The following NDUFA5 variants were observed in gnomAD, a reference collection of about 807,000 sequenced individuals.
The protein encoded by NDUFA5 is NADH:ubiquinone oxidoreductase subunit A5.
Under a neutral mutation model 19.8 loss-of-function variants are expected in NDUFA5, and 11 were observed. That is an observed-to-expected ratio of 0.56 (90% CI 0.35 to 0.92). The LOEUF (loss-of-function observed/expected upper bound fraction) is 0.92, where lower values mean the gene tolerates loss of function less well. Ranked by LOEUF, NDUFA5 falls within the 40% of genes least tolerant of loss-of-function variation. The probability of loss-of-function intolerance (pLI) is 0.01; values close to 1 mark genes in which losing one functional copy is unlikely to be tolerated. For missense variants in NDUFA5, 109 were observed against 134.2 expected, an observed-to-expected ratio of 0.81 and a Z score of 0.93; for synonymous variants, 47 against 46.8, an observed-to-expected ratio of 1.00 and a Z score of -0.01.
intron 3 of NDUFA5, 193 bp from the exon 4 acceptor site, chr7:123,545,869 A>C: frequency 2.0e-6 from 1 of 496,722 alleles, no homozygotes; most frequent in South Asian, 2.6e-5. Flanking sequence ...TAATATTGAA[A>C]AGTGCTAAAT....
chr7:123,548,437 C>T (rs1308890576), intron 3 of NDUFA5, among the ~76,000 whole-genome samples: 1 of 152,092 alleles, frequency 6.6e-6, no homozygotes, highest in Non-Finnish European at 1.5e-5. Context: ...ACAAAGTTGT[C>T]AAACTCTACT....
intron 2 of NDUFA5, among the ~76,000 whole-genome samples, chr7:123,553,985 A>G: frequency 6.6e-6 from 1 of 152,254 alleles, no homozygotes; most frequent in East Asian, 1.9e-4. Context: ...GCAATTACAT[A>G]CAGAATACAT....
At chr7:123,556,619 A>C (rs2116202230) in intron 2 of NDUFA5, 1 of 255,254 alleles carries the variant, frequency 3.9e-6, no homozygotes, top group South Asian at 4.8e-5. Context: ...AAAAAAAAAA[A>C]ACGCTGCTAT....
chr7:123,578,078 T>C, the NDUFA5 span, among the ~76,000 whole-genome samples: 4 of 150,082 alleles, frequency 2.7e-5, no homozygotes, highest in African/African-American at 9.8e-5. Flanking sequence ...GTGTGTGAAG[T>C]TCCCCTCCCT....
At chr7:123,563,289 G>T in the NDUFA5 span, among the ~76,000 whole-genome samples, 3 of 152,128 alleles carry the variant, frequency 2.0e-5, no homozygotes, top group Non-Finnish European at 2.9e-5. Flanking sequence ...TGAGAGATTT[G>T]TGACTCTTCC....
the NDUFA5 span, among the ~76,000 whole-genome samples, chr7:123,582,014 A>G: frequency 6.6e-6 from 1 of 152,020 alleles, no homozygotes; most frequent in Non-Finnish European, 1.5e-5. Flanking sequence ...CTCCATTTCC[A>G]TTTGTGAATA....
At chr7:123,601,278 T>G in the NDUFA5 span, among the ~76,000 whole-genome samples, 1 of 152,352 alleles carries the variant, frequency 6.6e-6, no homozygotes, top group East Asian at 1.9e-4. Flanking sequence ...CTACTCATTT[T>G]TTTAGACTAT....
the NDUFA5 span, among the ~76,000 whole-genome samples, chr7:123,600,321 T>C: frequency 1.4e-3 from 207 of 152,340 alleles, 3 homozygotes; most frequent in Admixed American, 0.013. Flanking sequence ...TTAAATGTTG[T>C]ATGGTATAGG....
the NDUFA5 span, among the ~76,000 whole-genome samples, chr7:123,589,225 G>A: frequency 6.6e-6 from 1 of 151,462 alleles, no homozygotes; most frequent in South Asian, 2.1e-4. Flanking sequence ...CTGATGTTGG[G>A]TGCACATATA....
chr7:123,562,429 G>A (rs894176230), upstream of NDUFA5, among the ~76,000 whole-genome samples: 1 of 152,160 alleles, frequency 6.6e-6, no homozygotes, highest in Non-Finnish European at 1.5e-5. Context: ...CCCATAGAAG[G>A]CTGTTTCATC....
chr7:123,565,341 C>T, the NDUFA5 span, among the ~76,000 whole-genome samples: 7 of 151,584 alleles, frequency 4.6e-5, no homozygotes, highest in South Asian at 1.0e-3. Context: ...CATCCTCAGA[C>T]GTAACAGACG....
the NDUFA5 span, among the ~76,000 whole-genome samples, chr7:123,596,751 TATTA>T: frequency 1.3e-5 from 2 of 152,212 alleles, no homozygotes; most frequent in African/African-American, 4.8e-5. Context: ...TACAATCAAA[TATTA>T]ATTAAATGTC....
At chr7:123,548,261 T>TG (rs1798206459) in intron 3 of NDUFA5, among the ~76,000 whole-genome samples, 1 of 152,186 alleles carries the variant, frequency 6.6e-6, no homozygotes, top group Non-Finnish European at 1.5e-5. Flanking sequence ...GTTAAGTGTT[T>TG]GGGGTTATAT....
the NDUFA5 span, among the ~76,000 whole-genome samples, chr7:123,576,704 A>G: frequency 2.6e-5 from 4 of 152,118 alleles, no homozygotes; most frequent in Non-Finnish European, 4.4e-5. Context: ...TGCTGCAGTA[A>G]AAGAAAACAG....
chr7:123,597,796 A>C, the NDUFA5 span, among the ~76,000 whole-genome samples: 75 of 152,208 alleles, frequency 4.9e-4, no homozygotes, highest in African/African-American at 1.6e-3. Flanking sequence ...GCACCACTGC[A>C]CTCCAGCCTG....
intron 3 of NDUFA5, chr7:123,550,234 A>G: frequency 2.5e-6 from 1 of 399,790 alleles, no homozygotes. Context: ...GAACAGCTAC[A>G]ATGTTACTTC....
chr7:123,584,160 C>A, the NDUFA5 span, among the ~76,000 whole-genome samples: 1 of 151,772 alleles, frequency 6.6e-6, no homozygotes, highest in Non-Finnish European at 1.5e-5. Context: ...GCCTACTTAA[C>A]CTTTCTTGTT....
At chr7:123,551,547 T>G in intron 2 of NDUFA5, 2 of 957,132 alleles carry the variant, frequency 2.1e-6, no homozygotes. Context: ...CACTGCAAAT[T>G]TTTTTTTTTA....
chr7:123,599,237 A>C, the NDUFA5 span, among the ~76,000 whole-genome samples: 1 of 151,796 alleles, frequency 6.6e-6, no homozygotes, highest in Non-Finnish European at 1.5e-5. Flanking sequence ...GATAACTTAA[A>C]AACAACAACA....
Sources: allele counts gnomAD v4.1 joint callset (sites outside exome capture counted in the v4.1 genomes callset), GRCh38; gene constraint gnomAD v4.1.1; transcripts MANE v1.5; gene names NCBI Gene and HGNC (gene_info 2026-07-23, HGNC 2026-07-21).